PPM1E: variants seen among roughly 807,000 people sequenced by gnomAD.
PPM1E encodes protein phosphatase, Mg2+/Mn2+ dependent 1E.
A neutral mutation model predicts 65.9 loss-of-function variants in PPM1E; 20 were observed. That is an observed-to-expected ratio of 0.30 (90% CI 0.21 to 0.44). The LOEUF (loss-of-function observed/expected upper bound fraction) is 0.44, where lower values mean the gene tolerates loss of function less well. Among genes scored for constraint, PPM1E ranks in the 20% least tolerant of loss-of-function variants. The pLI, the probability that PPM1E is intolerant of heterozygous loss-of-function variation, is 1.00. For synonymous variants in PPM1E, 352 were observed against 374.9 expected, an observed-to-expected ratio of 0.94 and a Z score of 0.70; for missense variants, 713 against 953.1, an observed-to-expected ratio of 0.75 and a Z score of 3.32.
chr17:58,812,288 A>G (rs1454693366), intron 1 of PPM1E, among the ~76,000 whole-genome samples: 1 of 131,702 alleles, frequency 7.6e-6, no homozygotes, highest in African/African-American at 3.0e-5. Context: ...TGGGCGACAG[A>G]GCAAGACTCT....
chr17:58,976,822 T>G (rs1304830864), intron 6 of PPM1E, among the ~76,000 whole-genome samples: 1 of 152,146 alleles, frequency 6.6e-6, no homozygotes, highest in South Asian at 2.1e-4. Context: ...AGTCTTTTAA[T>G]TGAAGCACTA....
chr17:58,940,209 A>C (rs898596339), intron 1 of PPM1E, among the ~76,000 whole-genome samples: 1 of 152,220 alleles, frequency 6.6e-6, no homozygotes, highest in Non-Finnish European at 1.5e-5. Flanking sequence ...ACTCCTAGTG[A>C]TTCTCTTCAA....
intron 1 of PPM1E, among the ~76,000 whole-genome samples, chr17:58,909,274 C>T (rs1449918007): frequency 6.6e-6 from 1 of 152,120 alleles, no homozygotes; most frequent in African/African-American, 2.4e-5. Flanking sequence ...CAACCCCACA[C>T]TGAGACAGGT....
intron 1 of PPM1E, among the ~76,000 whole-genome samples, chr17:58,765,110 T>C (rs2049860133): frequency 6.6e-6 from 1 of 152,070 alleles, no homozygotes; most frequent in African/African-American, 2.4e-5. Context: ...CAACTAGCTA[T>C]AGAAACGTTT....
intron 2 of PPM1E, among the ~76,000 whole-genome samples, chr17:58,958,346 G>C (rs142001765): frequency 0.042 from 6,386 of 151,828 alleles, 181 homozygotes; most frequent in Non-Finnish European, 0.059. Context: ...GAGTAGCTGG[G>C]ACTACAGGCA....
intron 1 of PPM1E, among the ~76,000 whole-genome samples, chr17:58,827,988 G>T (rs1394250435): frequency 6.6e-6 from 1 of 151,238 alleles, no homozygotes; most frequent in Non-Finnish European, 1.5e-5. Flanking sequence ...GGAGGTTGAG[G>T]TGGGCAGATC....
At chr17:58,825,152 G>A (rs528875465) in intron 1 of PPM1E, among the ~76,000 whole-genome samples, 5 of 150,344 alleles carry the variant, frequency 3.3e-5, no homozygotes, top group Non-Finnish European at 7.4e-5. Context: ...AATACCACCT[G>A]TACCTCAATA....
chr17:58,816,769 TATATATATATATA>T (rs2050423383), intron 1 of PPM1E, among the ~76,000 whole-genome samples: 1 of 15,918 alleles, frequency 6.3e-5, no homozygotes, highest in African/African-American at 2.2e-4. Context: ...TATATATATA[TATATATATATATA>T]TATATATATA....
At chr17:58,907,103 G>A (rs577221425) in intron 1 of PPM1E, among the ~76,000 whole-genome samples, 1 of 152,078 alleles carries the variant, frequency 6.6e-6, no homozygotes, top group African/African-American at 2.4e-5. Flanking sequence ...AAATTTAGTC[G>A]AGCGTGGTGG....
intron 1 of PPM1E, among the ~76,000 whole-genome samples, chr17:58,803,032 G>C (rs1231248240): frequency 6.6e-6 from 1 of 151,672 alleles, no homozygotes; most frequent in Admixed American, 6.6e-5. Flanking sequence ...TCTTTTTCTT[G>C]CCTGATTGTT....
intron 1 of PPM1E, among the ~76,000 whole-genome samples, chr17:58,851,929 C>T (rs1050250207): frequency 6.6e-6 from 1 of 152,184 alleles, no homozygotes; most frequent in Non-Finnish European, 1.5e-5. Context: ...GGGCTCCACC[C>T]AGTTCAAGCT....
chr17:58,776,595 C>G (rs1450456530), intron 1 of PPM1E, among the ~76,000 whole-genome samples: 1 of 152,028 alleles, frequency 6.6e-6, no homozygotes, highest in African/African-American at 2.4e-5. Flanking sequence ...GTGTCATTTC[C>G]TCATTTTAAA....
chr17:58,922,928 G>A lies in PPM1E; in HGVS notation c.465-32721G>A, dbSNP rs139366358. On this transcript the variant is annotated intron_variant, in intron 1 of 6. Coordinates refer to ENST00000308249, the MANE Select transcript of PPM1E (RefSeq NM_014906.5). ...TTGATCTCCTGACCTAGTGATTGAA[G>A]TACTTTTACAGCTATATAAATAGAA... Among the ~76,000 whole-genome samples the A allele has an allele frequency of 1.2e-4, 18 of 152,030 alleles. No homozygotes were observed. In the East Asian group the frequency reaches 3.5e-3, roughly 29 times the overall value.
rs139848403 is a variant in PPM1E, at chr17:58,882,413, G to A, written c.465-73236G>A. 4.6e-5 allele frequency among the ~76,000 whole-genome samples: 7 copies of A among 151,168 alleles called. No individual in the cohort carries two copies. The East Asian group carries it at 1.4e-3, about 29-fold the overall frequency. ...GCAACTTGCATTTTTTTTTTGAGAC[G>A]GAGTTTTGCTCTTGTCACCCAGGCT... is the stretch of plus-strand genomic sequence containing the variant. On this transcript the variant is annotated intron_variant, in intron 1 of 6. Transcript: ENST00000308249.
chr17:58,803,914 T>G (rs963787425), intron 1 of PPM1E, among the ~76,000 whole-genome samples: 16 of 152,200 alleles, frequency 1.1e-4, no homozygotes, highest in African/African-American at 3.9e-4. Context: ...AATCCAAATA[T>G]TCCTAATTTT....
intron 1 of PPM1E, among the ~76,000 whole-genome samples, chr17:58,831,530 G>A (rs969814204): frequency 2.6e-5 from 4 of 152,188 alleles, no homozygotes; most frequent in Non-Finnish European, 5.9e-5. Flanking sequence ...AGGTGCACTT[G>A]TTTGGTTGCA....
intron 1 of PPM1E, among the ~76,000 whole-genome samples, chr17:58,869,348 C>A (rs148945238): frequency 2.5e-3 from 378 of 152,280 alleles, no homozygotes; most frequent in African/African-American, 8.8e-3. Flanking sequence ...TGATCCCCAG[C>A]GTTGGAGGGA....
intron 1 of PPM1E, among the ~76,000 whole-genome samples, chr17:58,930,268 CACACACACACACACACAG>C (rs1329403782): frequency 2.6e-5 from 4 of 151,598 alleles, no homozygotes; most frequent in African/African-American, 4.9e-5. Flanking sequence ...CACACACACA[CACACACACACACACACAG>C]ACACACACAC....
chr17:58,789,797 G>A (rs1349565723), intron 1 of PPM1E, among the ~76,000 whole-genome samples: 1 of 151,556 alleles, frequency 6.6e-6, no homozygotes, highest in Non-Finnish European at 1.5e-5. Flanking sequence ...ACCTTTTGAT[G>A]TGACACACAA....
Sources: gnomAD v4.1 joint callset for allele counts (sites outside exome capture counted in the v4.1 genomes callset) on GRCh38, gnomAD v4.1.1 for gene constraint, MANE v1.5 for transcripts, NCBI Gene and HGNC (gene_info 2026-07-23, HGNC 2026-07-21) for gene names.